The following NFIX variants were observed in gnomAD, a reference collection of about 807,000 sequenced individuals.
NFIX encodes the protein nuclear factor 1 X-type.
A neutral mutation model predicts 53.3 loss-of-function variants in NFIX; 2 were observed. The ratio of observed to expected loss-of-function variants is 0.04; its 90% confidence interval spans 0.02 to 0.12. NFIX has a LOEUF of 0.12. Ranked by LOEUF, NFIX falls within the 10% of genes least tolerant of loss-of-function variation. NFIX has a pLI of 1.00. For missense variants in NFIX, 310 were observed against 674.5 expected (o/e 0.46, Z 5.99); for synonymous variants, 244 against 289.0 (o/e 0.84, Z 1.58).
In NFIX at chr19:13,089,025, C is replaced by T. The variant is rs1031726905; in HGVS notation, c.1402+889C>T. Among the ~76,000 whole-genome samples the T allele has an allele frequency of 3.5e-4, 53 of 151,766 alleles. No homozygotes were observed. The highest frequency in any genetic ancestry group is 1.1e-3 in the African/African-American group (47 of 41,294). ...GGGCAGGCCACAGGCCAGGGCAGTT[C>T]GGTGGCGGTGGGAGGGGTGGCCCAT... On this transcript the variant is annotated intron_variant, in intron 9 of 10. Coordinates refer to ENST00000592199, the MANE Select transcript of NFIX (RefSeq NM_001365902.3). This position sits in a 1 kb window ranked among gnomAD's most constrained non-coding sequence, Gnocchi z 4.8.
chr19:13,093,005 A>G lies in NFIX; in HGVS notation c.1495-1630A>G, dbSNP rs2018237730. Among the ~76,000 whole-genome samples, 1 of 152,252 alleles carries G rather than the reference A, an allele frequency of 6.6e-6. No homozygotes were observed. The highest frequency in any genetic ancestry group is 2.4e-5 in the African/African-American group (1 of 41,470). ...GGAAATTTAGCATTTCTGCCCACCC[A>G]GCAGCGCCTGCTCATTGTGGCAATC... is the stretch of plus-strand genomic sequence containing the variant. On this transcript the variant is annotated intron_variant, in intron 10 of 10. Coordinates refer to ENST00000592199, the MANE Select transcript of NFIX (RefSeq NM_001365902.3). This position sits in a 1 kb window ranked among gnomAD's most constrained non-coding sequence, Gnocchi z 4.7.
At chr19:13,010,670 G>T (rs61271812) in intron 1 of NFIX, among the ~76,000 whole-genome samples, 1,605 of 152,350 alleles carry the variant, frequency 0.011, 27 homozygotes, top group African/African-American at 0.037. Context: ...CCAACGGGGA[G>T]CTCCAGGTGG....
chr19:13,075,615 G>C lies in NFIX; in HGVS notation c.899G>C (p.Arg300Pro). Reference protein sequence around the residue: ...VDDVFYPGTGRSPAAGSSQSS... With the variant: ...VDDVFYPGTGPSPAAGSSQSS... The stretch of plus-strand genomic sequence containing the variant: ...GACGTGTTCTATCCCGGGACAGGCC[G>C]TTCCCCAGCAGCTGGCAGCAGCCAG... Residue 300 changes from arginine to proline, a missense_variant, in exon 6 of 11, where the codon CGT (arginine) becomes CCT (proline). Transcript: ENST00000592199. 1 of 1,613,510 alleles carries C rather than the reference G, an allele frequency of 6.2e-7. No homozygotes were observed. The highest frequency in any genetic ancestry group is 8.5e-7 in the Non-Finnish European group (1 of 1,179,718).
rs1599892269 is a variant in NFIX, at chr19:13,095,166, C to T, written c.*517C>T. 1 of 152,280 alleles carries T rather than the reference C, an allele frequency of 6.6e-6. No homozygotes were observed. Among genetic ancestry groups the T allele is most frequent in the Non-Finnish European group, 1.5e-5 (1 of 68,160 alleles). The allele number at this position is 152,280 out of a possible 1,614,324, so 9.4% of individuals were successfully genotyped here. On this transcript the variant is annotated 3_prime_UTR_variant, in exon 11 of 11. Transcript: ENST00000592199. ...GGGTTTAGATCCCTCAGGCTCTCCC[C>T]TCCAGACTCCGCCCTTCCCTCCCTC...
In NFIX at chr19:13,095,449, G is replaced by A. The variant is rs894749465; in HGVS notation, c.*800G>A. On this transcript the variant is annotated 3_prime_UTR_variant, in exon 11 of 11. Transcript: ENST00000592199. ...AGGAAAAAGTCGGAATGCTCTCGAC[G>A]GCCTCGTCCCAGCCTGGGACAGGCC... The A allele has an allele frequency of 2.0e-5, 3 of 152,200 alleles. No individual in the cohort carries two copies. Among genetic ancestry groups the A allele is most frequent in the African/African-American group, 7.2e-5 (3 of 41,418 alleles). 9.4% of individuals were successfully genotyped at this position (152,200 alleles called of 1,614,324 possible).
rs1433807198 is a variant in NFIX, at chr19:13,051,857, C to T, written c.560-21190C>T. Among the ~76,000 whole-genome samples the T allele has an allele frequency of 2.0e-5, 3 of 152,168 alleles. No individual in the cohort carries two copies. The highest frequency in any genetic ancestry group is 4.4e-5 in the Non-Finnish European group (3 of 68,030). ...CGCCTTAGCAGGTGCCTGGAGGGGGCGGGGCGGCTCCCGGGAGCAGCCGGG... is the reference window on the plus strand; with the variant it reads ...CGCCTTAGCAGGTGCCTGGAGGGGGTGGGGCGGCTCCCGGGAGCAGCCGGG... On this transcript the variant is annotated intron_variant, in intron 2 of 10. Transcript: ENST00000592199. The surrounding 1 kb of genome is among the most constrained non-coding windows in gnomAD (Gnocchi z 5.1).
In NFIX at chr19:13,073,236, C is replaced by A; in HGVS notation, c.622+127C>A. On this transcript the variant is annotated intron_variant, in intron 3 of 10. Transcript: ENST00000592199. The surrounding 1 kb of genome is among the most constrained non-coding windows in gnomAD (Gnocchi z 4.5). ...TCAGCTGTCCCTTGACTGAGCTTAG[C>A]TTGCTGTCCTGAGGGGATGGGGGCA... 1 of 1,048,850 alleles carries A rather than the reference C, an allele frequency of 9.5e-7. No individual in the cohort carries two copies. Among genetic ancestry groups the A allele is most frequent in the Non-Finnish European group, 1.5e-6 (1 of 669,580 alleles). 65.0% of individuals were successfully genotyped at this position (1,048,850 alleles called of 1,614,324 possible).
At chr19:13,080,942 G>A (rs2145470905) in intron 7 of NFIX, among the ~76,000 whole-genome samples, 1 of 152,114 alleles carries the variant, frequency 6.6e-6, no homozygotes, top group South Asian at 2.1e-4. Context: ...AGAGCTTGCA[G>A]TGAGCTGAGA....
chr19:13,004,388 A>G (rs1449035828), intron 1 of NFIX, among the ~76,000 whole-genome samples: 1 of 152,108 alleles, frequency 6.6e-6, no homozygotes, highest in African/African-American at 2.4e-5. Context: ...ATTGTCGCAT[A>G]TATACCCCAT....
rs746249510 is a variant in NFIX at position 13,022,159 on chromosome 19, C to T, written c.28-2862C>T. Among the ~76,000 whole-genome samples the T allele has an allele frequency of 1.1e-4, 17 of 152,140 alleles. No individual in the cohort carries two copies. Among genetic ancestry groups the T allele is most frequent in the Non-Finnish European group, 2.1e-4 (14 of 68,028 alleles). ...TCTTTTTGCCTTTGTCACTTCTCCC[C>T]GGGTCTGGCTGTTGTTTGTGGCTGC... On this transcript the variant is annotated intron_variant, in intron 1 of 10. Coordinates refer to ENST00000592199, the MANE Select transcript of NFIX (RefSeq NM_001365902.3). This position sits in a 1 kb window ranked among gnomAD's most constrained non-coding sequence, Gnocchi z 4.5.
rs1052822783 is a variant in NFIX, at chr19:12,996,290, G to A, written c.27+426G>A. Reference sequence around the variant, plus strand: ...TGCGGGGTTGACAGAGTGGCAAGAGGGTGGTCCCGAGGGCGCAGAGGGGAC... The same window carrying A: ...TGCGGGGTTGACAGAGTGGCAAGAGAGTGGTCCCGAGGGCGCAGAGGGGAC... On this transcript the variant is annotated intron_variant, in intron 1 of 10. Transcript: ENST00000592199. The surrounding 1 kb of genome is among the most constrained non-coding windows in gnomAD (Gnocchi z 5.2). Among the ~76,000 whole-genome samples, 1 of 152,036 alleles carries A rather than the reference G, an allele frequency of 6.6e-6. No individual in the cohort carries two copies. Among genetic ancestry groups the A allele is most frequent in the Non-Finnish European group, 1.5e-5 (1 of 67,980 alleles).
Position 13,025,547 on chromosome 19 carries a change from C to G in NFIX, c.554C>G (p.Thr185Ser), listed in dbSNP as rs1243759140. 1 of 1,606,928 alleles carries G rather than the reference C, an allele frequency of 6.2e-7. No individual in the cohort carries two copies. The highest frequency in any genetic ancestry group is 1.1e-5 in the South Asian group (1 of 90,986). The change falls in exon 2 of 11, where the codon ACT (threonine) becomes AGT (serine). Residue 185 changes from threonine (T) to serine (S), a missense_variant. By Grantham distance (58) the Thr-to-Ser change is moderately conservative. This residue lies in a region of NFIX where 164 missense variants were observed against 284.4 expected (regional missense o/e 0.58). Transcript: ENST00000592199. The surrounding 1 kb of genome is among the most constrained non-coding windows in gnomAD (Gnocchi z 7.5). Reference protein sequence around the residue: ...LDLYLAYFVHTPESGQSDSSN... With the variant: ...LDLYLAYFVHSPESGQSDSSN... ...CTTTATCTGGCTTACTTTGTCCACACTCCGGGTAGGTCGTTCTCAACCATT... is the reference window on the plus strand; with the variant it reads ...CTTTATCTGGCTTACTTTGTCCACAGTCCGGGTAGGTCGTTCTCAACCATT...
intron 2 of NFIX, among the ~76,000 whole-genome samples, chr19:13,059,036 AT>A (rs758674337): frequency 2.6e-5 from 4 of 152,142 alleles, no homozygotes; most frequent in Middle Eastern, 3.2e-3. Context: ...GTCCTCCACC[AT>A]TAGGATTCAC....
chr19:13,090,205 C>T lies in NFIX; in HGVS notation c.1403-94C>T. Reference sequence around the variant, plus strand: ...TAAACTCGGGCAGCATGGTCTAACTCAGTCTCTCCCTCTCTCAGCAGCCCC... The same window carrying T: ...TAAACTCGGGCAGCATGGTCTAACTTAGTCTCTCCCTCTCTCAGCAGCCCC... On this transcript the variant is annotated intron_variant, in intron 9 of 10. Transcript: ENST00000592199. This position sits in a 1 kb window ranked among gnomAD's most constrained non-coding sequence, Gnocchi z 6.6. 8.5e-7 allele frequency: 1 copy of T among 1,177,292 alleles called. No homozygotes were observed. The highest frequency in any genetic ancestry group is 1.3e-6 in the Non-Finnish European group (1 of 785,250). The allele number at this position is 1,177,292 out of a possible 1,614,324, so 72.9% of individuals were successfully genotyped here.
chr19:13,037,334 T>C lies in NFIX; in HGVS notation c.559+11782T>C, dbSNP rs2014273613. On this transcript the variant is annotated intron_variant, in intron 2 of 10. Coordinates refer to ENST00000592199, the MANE Select transcript of NFIX (RefSeq NM_001365902.3). This position sits in a 1 kb window ranked among gnomAD's most constrained non-coding sequence, Gnocchi z 4.2. The stretch of plus-strand genomic sequence containing the variant: ...ATATCCTCCCCAGGGCATGACCACT[T>C]CCCCTACCAGACGTAGTAGGCCAGT... Among the ~76,000 whole-genome samples the C allele has an allele frequency of 6.6e-6, 1 of 152,130 alleles. No homozygotes were observed. Among genetic ancestry groups the C allele is most frequent in the Non-Finnish European group, 1.5e-5 (1 of 68,018 alleles).
At chr19:13,026,135 G>A (rs190952163) in intron 2 of NFIX, among the ~76,000 whole-genome samples, 3 of 152,292 alleles carry the variant, frequency 2.0e-5, no homozygotes, top group Admixed American at 2.0e-4. Flanking sequence ...TAAATACTCA[G>A]GCGGGAGCTG....
chr19:13,056,042 AAGCAACGAGCT>A (rs1281021042), intron 2 of NFIX, among the ~76,000 whole-genome samples: 4 of 152,074 alleles, frequency 2.6e-5, no homozygotes, highest in South Asian at 2.1e-4. Context: ...GAGGGCTGAA[AAGCAACGAGCT>A]AGCAGGCTTG....
intron 2 of NFIX, among the ~76,000 whole-genome samples, chr19:13,039,294 G>A (rs1016943816): frequency 2.0e-5 from 3 of 151,666 alleles, no homozygotes; most frequent in African/African-American, 7.3e-5. Context: ...CTGCCCAGGA[G>A]TGTTCCCAGC....
chr19:13,024,533 A>G (rs2013160444), intron 1 of NFIX: 1 of 1,526,368 alleles, frequency 6.6e-7, no homozygotes, highest in Admixed American at 2.0e-5. Context: ...GTCGGGGACC[A>G]GAGGCGGCCC....
Sources: allele counts gnomAD v4.1 joint callset (sites outside exome capture counted in the v4.1 genomes callset), GRCh38; gene constraint gnomAD v4.1.1; regional missense constraint gnomAD v4.1.1; non-coding constraint Gnocchi (gnomAD v3.1); transcripts MANE v1.5; gene names NCBI Gene and HGNC (gene_info 2026-07-23, HGNC 2026-07-21).